The following CCDC178 variants were observed in gnomAD, a reference collection of about 807,000 sequenced individuals.
The protein encoded by CCDC178 is coiled-coil domain-containing protein 178.
In CCDC178, 126 loss-of-function variants were observed where a neutral mutation model predicts 117.4. The ratio of observed to expected loss-of-function variants is 1.07; its 90% CI spans 0.93 to 1.24. The LOEUF (loss-of-function observed/expected upper bound fraction) is 1.24, where lower values mean the gene tolerates loss of function less well. Ranked by LOEUF, CCDC178 falls within the 50% of genes most tolerant of loss-of-function variation. The pLI, the probability that CCDC178 is intolerant of heterozygous loss-of-function variation, is 0.00. For missense variants in CCDC178, 1,030 were observed against 986.9 expected (o/e 1.04, Z -0.59); for synonymous variants, 283 against 313.4 (o/e 0.90, Z 1.02).
intron 20 of CCDC178, among the ~76,000 whole-genome samples, chr18:33,189,526 G>A (rs2058833865): frequency 6.6e-6 from 1 of 152,056 alleles, no homozygotes; most frequent in Admixed American, 6.5e-5. Context: ...CCTGTATCTT[G>A]GTATTTACAT....
At chr18:33,410,633 C>G (rs538528901) in intron 3 of CCDC178, among the ~76,000 whole-genome samples, 21 of 152,218 alleles carry the variant, frequency 1.4e-4, no homozygotes, top group Non-Finnish European at 1.9e-4. Flanking sequence ...TCAATTATAA[C>G]CCTGAAGAAA....
chr18:32,967,543 G>A (rs1598740031), intron 22 of CCDC178, among the ~76,000 whole-genome samples: 1 of 149,712 alleles, frequency 6.7e-6, no homozygotes, highest in African/African-American at 2.5e-5. Flanking sequence ...TGCTTGAAGT[G>A]CATTTCTTCT....
At chr18:33,328,067 A>G (rs1426570382) in intron 10 of CCDC178, 2 of 374,994 alleles carry the variant, frequency 5.3e-6, no homozygotes, top group African/African-American at 2.4e-5. Flanking sequence ...CCAAGGTCAT[A>G]AAGATTTATC....
intron 20 of CCDC178, among the ~76,000 whole-genome samples, chr18:33,101,278 T>A (rs1293778845): frequency 1.3e-5 from 2 of 151,548 alleles, no homozygotes; most frequent in Non-Finnish European, 2.9e-5. Flanking sequence ...AGAATATATA[T>A]TCTAAAATAT....
At chr18:33,050,303 G>A (rs946060433) in intron 21 of CCDC178, among the ~76,000 whole-genome samples, 1 of 152,128 alleles carries the variant, frequency 6.6e-6, no homozygotes, top group Non-Finnish European at 1.5e-5. Flanking sequence ...ATGGCAAAAT[G>A]CTGCTAAACA....
chr18:33,243,810 A>C (rs2059515205), intron 15 of CCDC178, among the ~76,000 whole-genome samples: 1 of 151,980 alleles, frequency 6.6e-6, no homozygotes, highest in Non-Finnish European at 1.5e-5. Flanking sequence ...AATTAGAAAA[A>C]TTGAAATACA....
chr18:33,088,285 A>G (rs2057412489), intron 21 of CCDC178, among the ~76,000 whole-genome samples: 1 of 148,870 alleles, frequency 6.7e-6, no homozygotes, highest in East Asian at 2.0e-4. Flanking sequence ...GTCTTTTTAT[A>G]TTTCATATAA....
At chr18:33,163,139 A>T (rs1233860616) in intron 20 of CCDC178, among the ~76,000 whole-genome samples, 1 of 152,100 alleles carries the variant, frequency 6.6e-6, no homozygotes, top group Non-Finnish European at 1.5e-5. Flanking sequence ...CTGGTATGAG[A>T]TGGTATCTCA....
At chr18:33,313,898 G>T (rs1282709288) in intron 11 of CCDC178, among the ~76,000 whole-genome samples, 1 of 152,110 alleles carries the variant, frequency 6.6e-6, no homozygotes. Flanking sequence ...AGTGGCAAAG[G>T]TGCTATTAAA....
chr18:33,239,501 G>GT (rs1354401292), intron 15 of CCDC178, among the ~76,000 whole-genome samples: 96 of 146,012 alleles, frequency 6.6e-4, no homozygotes, highest in African/African-American at 2.1e-3. Context: ...AAGTGACGTG[G>GT]TTAAAAAAAA....
intron 11 of CCDC178, among the ~76,000 whole-genome samples, chr18:33,314,080 A>G (rs1033322572): frequency 3.3e-5 from 5 of 149,632 alleles, no homozygotes; most frequent in African/African-American, 1.2e-4. Context: ...GGGCGCCTGT[A>G]ATCCCAGCTA....
chr18:33,245,694 G>A (rs2059541792), intron 14 of CCDC178, among the ~76,000 whole-genome samples: 1 of 151,770 alleles, frequency 6.6e-6, no homozygotes, highest in South Asian at 2.1e-4. Flanking sequence ...CGGGTGCTTG[G>A]CTTTTTGAAC....
chr18:33,195,740 A>G (rs2058922426), intron 20 of CCDC178, among the ~76,000 whole-genome samples: 1 of 152,184 alleles, frequency 6.6e-6, no homozygotes, highest in South Asian at 2.1e-4. Flanking sequence ...CTTAGGACAC[A>G]AGGCTATATT....
At chr18:33,341,657 A>C (rs1282684552) in intron 9 of CCDC178, among the ~76,000 whole-genome samples, 1 of 152,118 alleles carries the variant, frequency 6.6e-6, no homozygotes, top group Non-Finnish European at 1.5e-5. Context: ...TGGGTTTATC[A>C]GGGGTTTTTC....
At chr18:33,166,525 C>T (rs1347519130) in intron 20 of CCDC178, among the ~76,000 whole-genome samples, 1 of 151,974 alleles carries the variant, frequency 6.6e-6, no homozygotes, top group African/African-American at 2.4e-5. Context: ...AATAGTTTCC[C>T]TACTAGGTGT....
chr18:33,348,163 A>G (rs1397659571), intron 8 of CCDC178, among the ~76,000 whole-genome samples: 1 of 152,034 alleles, frequency 6.6e-6, no homozygotes, highest in Non-Finnish European at 1.5e-5. Flanking sequence ...CAGTAGAAAC[A>G]AAGCTTTGCT....
At chr18:33,014,897 G>A (rs1230765537) in intron 21 of CCDC178, among the ~76,000 whole-genome samples, 1 of 152,122 alleles carries the variant, frequency 6.6e-6, no homozygotes, top group East Asian at 1.9e-4. Context: ...TTCCAGAGTT[G>A]CCAAATTATA....
chr18:33,356,240 T>C (rs1463291807), intron 7 of CCDC178, 84 bp downstream of exon 7: 4 of 1,307,336 alleles, frequency 3.1e-6, no homozygotes, highest in Non-Finnish European at 4.1e-6. Context: ...TCTATTCCTT[T>C]TGAAGTTAAA....
intron 20 of CCDC178, among the ~76,000 whole-genome samples, chr18:33,146,917 A>C (rs1434285570): frequency 2.0e-5 from 3 of 152,200 alleles, no homozygotes; most frequent in Admixed American, 2.0e-4. Flanking sequence ...CCGTAAAGTT[A>C]CATGATTATT....
Sources: allele counts gnomAD v4.1 joint callset (sites outside exome capture counted in the v4.1 genomes callset), GRCh38; gene constraint gnomAD v4.1.1; transcripts MANE v1.5; gene names NCBI Gene and HGNC (gene_info 2026-07-23, HGNC 2026-07-21).